TSPAN33: variants seen among roughly 807,000 people sequenced by gnomAD.
TSPAN33 encodes the protein tetraspanin 33.
TSPAN33 carries 27 observed loss-of-function variants against 34.8 expected under a neutral mutation model. The observed-to-expected ratio is 0.78, with a 90% confidence interval of 0.57 to 1.07. TSPAN33 has a LOEUF of 1.07. Among genes scored for constraint, TSPAN33 ranks in the 50% least tolerant of loss-of-function variants. The pLI is 0.00. For synonymous variants in TSPAN33, 119 were observed against 124.2 expected (o/e 0.96, Z 0.28); for missense variants, 272 against 324.9 (o/e 0.84, Z 1.25).
chr7:129,161,026 T>G (rs1793042213), intron 1 of TSPAN33, among the ~76,000 whole-genome samples: 1 of 152,228 alleles, frequency 6.6e-6, no homozygotes. Context: ...AAATTTGCCC[T>G]ATGTGTACCC....
intron 1 of TSPAN33, among the ~76,000 whole-genome samples, chr7:129,150,732 G>T (rs546832222): frequency 6.6e-6 from 1 of 152,180 alleles, no homozygotes; most frequent in South Asian, 2.1e-4. Flanking sequence ...AAAAAGTACT[G>T]CCACTGCTGT....
At chr7:129,153,659 G>GAC (rs1187901143) in intron 1 of TSPAN33, among the ~76,000 whole-genome samples, 1 of 151,756 alleles carries the variant, frequency 6.6e-6, no homozygotes, top group Non-Finnish European at 1.5e-5. Context: ...GTTTAAAAAA[G>GAC]ATCAGTTGCA....
chr7:129,166,735 T>A, intron 5 of TSPAN33, 43 bp from the exon 6 acceptor site: 1 of 1,608,966 alleles, frequency 6.2e-7, no homozygotes, highest in Non-Finnish European at 8.5e-7. Context: ...CACCTCAGTG[T>A]GAGGGGTGGG....
chr7:129,153,557 A>G (rs1810629021), intron 1 of TSPAN33, among the ~76,000 whole-genome samples: 2 of 152,322 alleles, frequency 1.3e-5, no homozygotes, highest in Middle Eastern at 3.4e-3. Context: ...CCTGGATAAG[A>G]AACAAAAAAA....
chr7:129,156,752 C>A (rs1167760369), intron 1 of TSPAN33, among the ~76,000 whole-genome samples: 2 of 152,046 alleles, frequency 1.3e-5, no homozygotes, highest in Admixed American at 1.3e-4. Flanking sequence ...TTCTTTGGGG[C>A]ACTACAAGAT....
At chr7:129,159,416 G>A (rs1006708807) in intron 1 of TSPAN33, among the ~76,000 whole-genome samples, 10 of 152,160 alleles carry the variant, frequency 6.6e-5, no homozygotes. Context: ...CCATGCCTTT[G>A]CTATTGTGAG....
rs1392815495 is a variant in TSPAN33, at chr7:129,165,626, T to TA, written c.459+1058dup. Among the ~76,000 whole-genome samples, 2 of 152,320 alleles carry TA rather than the reference T, an allele frequency of 1.3e-5. No homozygotes were observed. Among genetic ancestry groups the TA allele is most frequent in the African/African-American group, 4.8e-5 (2 of 41,588 alleles). On this transcript the variant is annotated intron_variant, in intron 5 of 7. Transcript: ENST00000486685. The surrounding 1 kb of genome is among the most constrained non-coding windows in gnomAD (Gnocchi z 4.5). ...CTGCTATGAATCAAAAGTTAACAATTAGGCCAGGCATGGTAGCTTACATCT... is the reference window on the plus strand; with the variant it reads ...CTGCTATGAATCAAAAGTTAACAATTAAGGCCAGGCATGGTAGCTTACATCT...
At chr7:129,158,154 C>T (rs888348037) in intron 1 of TSPAN33, among the ~76,000 whole-genome samples, 2 of 152,210 alleles carry the variant, frequency 1.3e-5, no homozygotes, top group African/African-American at 4.8e-5. Flanking sequence ...CCTCTTGCCT[C>T]CTTCTTAGAA....
chr7:129,164,069 CTGTTT>C (rs905114073), intron 4 of TSPAN33, among the ~76,000 whole-genome samples: 5 of 152,096 alleles, frequency 3.3e-5, no homozygotes, highest in African/African-American at 1.2e-4. Context: ...TTAAATAGCT[CTGTTT>C]TGAGTCTAAA....
At chr7:129,154,610 T>C in intron 1 of TSPAN33, among the ~76,000 whole-genome samples, 1 of 151,776 alleles carries the variant, frequency 6.6e-6, no homozygotes, top group Non-Finnish European at 1.5e-5. Flanking sequence ...GTGTGGTGGC[T>C]CATGCCTGTA....
rs1162936106 is a variant in TSPAN33, at chr7:129,167,022, CAGCTGTCAGGTGTT to C, written c.588+117_588+130del. ...AGCTTCACCGATCAGTCATGTGGGA[CAGCTGTCAGGTGTT>C]TTTCTTCACCCCAACCTGATGCTTC... On this transcript the variant is annotated intron_variant, in intron 6 of 7. Coordinates refer to ENST00000486685, the MANE Select transcript of TSPAN33 (RefSeq NM_178562.5). This position sits in a 1 kb window ranked among gnomAD's most constrained non-coding sequence, Gnocchi z 4.6. The C allele has an allele frequency of 7.8e-7, 1 of 1,279,542 alleles. No homozygotes were observed. Among genetic ancestry groups the C allele is most frequent in the African/African-American group, 1.5e-5 (1 of 67,336 alleles). 79.3% of individuals were successfully genotyped at this position (1,279,542 alleles called of 1,614,324 possible).
chr7:129,167,529 G>C lies in TSPAN33; in HGVS notation c.719G>C (p.Gly240Ala), dbSNP rs768426523. The C allele has an allele frequency of 3.1e-6, 5 of 1,614,194 alleles. No individual in the cohort carries two copies. Among genetic ancestry groups the C allele is most frequent in the Non-Finnish European group, 4.2e-6 (5 of 1,180,024 alleles). The change falls in exon 7 of 8, where the codon GGT becomes GCT. Residue 240 changes from glycine to alanine, a missense_variant. By Grantham distance (60) the Gly-to-Ala change is moderately conservative. Transcript: ENST00000486685. This position sits in a 1 kb window ranked among gnomAD's most constrained non-coding sequence, Gnocchi z 4.6. ...ATACACAGCAACCTATTCTTACTTGGTGGTGTGGCTCTAGGCCTGGCCATC... is the reference window on the plus strand; with the variant it reads ...ATACACAGCAACCTATTCTTACTTGCTGGTGTGGCTCTAGGCCTGGCCATC... ...NWIHSNLFLL[G>A]GVALGLAIPQ...
chr7:129,155,349 C>T (rs1291217073), intron 1 of TSPAN33, among the ~76,000 whole-genome samples: 1 of 152,070 alleles, frequency 6.6e-6, no homozygotes, highest in East Asian at 1.9e-4. Flanking sequence ...AGTAGGGTGA[C>T]TATAGTTAAC....
At chr7:129,161,096 C>T (rs1377721106) in intron 1 of TSPAN33, among the ~76,000 whole-genome samples, 4 of 152,202 alleles carry the variant, frequency 2.6e-5, no homozygotes, top group African/African-American at 9.6e-5. Flanking sequence ...TTATTAGAGA[C>T]GGGGCCTCAC....
At position 129,167,386 on chromosome 7, in the gene TSPAN33, A is replaced by C; in HGVS notation, c.589-13A>C. The C allele has an allele frequency of 1.2e-6, 2 of 1,602,610 alleles. No homozygotes were observed. The highest frequency in any genetic ancestry group is 1.7e-6 in the Non-Finnish European group (2 of 1,171,320). ...AATTACAGTCCCAATTGGCTTTTCAACTCTTTCCCCAGGCAGTGATCAACA... is the reference window on the plus strand; with the variant it reads ...AATTACAGTCCCAATTGGCTTTTCACCTCTTTCCCCAGGCAGTGATCAACA... On this transcript the variant is annotated splice_polypyrimidine_tract_variant and intron_variant, in intron 6 of 7. Transcript: ENST00000486685. The surrounding 1 kb of genome is among the most constrained non-coding windows in gnomAD (Gnocchi z 4.6).
intron 1 of TSPAN33, among the ~76,000 whole-genome samples, chr7:129,151,516 C>T (rs1425115605): frequency 6.6e-6 from 1 of 152,080 alleles, no homozygotes; most frequent in Non-Finnish European, 1.5e-5. Flanking sequence ...GGAGAACAAC[C>T]TTTGTTTAGG....
At chr7:129,164,445 T>C (rs772292527) in intron 4 of TSPAN33, 29 bp from the exon 5 acceptor site, 4 of 1,604,216 alleles carry the variant, frequency 2.5e-6, no homozygotes, top group Non-Finnish European at 3.4e-6. Context: ...TAGTCCTGTG[T>C]TCTGATTCCT....
intron 3 of TSPAN33, 92 bp downstream of exon 3, chr7:129,162,613 C>A: frequency 6.4e-7 from 1 of 1,570,552 alleles, no homozygotes; most frequent in South Asian, 1.2e-5. Context: ...TTGTCCTACC[C>A]TACCCCCAAG....
intron 4 of TSPAN33, 121 bp from the exon 5 acceptor site, chr7:129,164,353 G>A (rs1265297528): frequency 1.3e-5 from 11 of 870,954 alleles, no homozygotes; most frequent in East Asian, 7.7e-5. Context: ...ATTAGGACTC[G>A]GTTCTGATTT....
Sources: gnomAD v4.1 joint callset for allele counts (sites outside exome capture counted in the v4.1 genomes callset) on GRCh38, gnomAD v4.1.1 for gene constraint, Gnocchi (gnomAD v3.1) non-coding constraint, MANE v1.5 for transcripts, NCBI Gene and HGNC (gene_info 2026-07-23, HGNC 2026-07-21) for gene names.